The following DDX4 variants were observed in gnomAD, a reference collection of about 807,000 sequenced individuals.
DDX4 encodes DEAD-box helicase 4.
Under a neutral mutation model 100.0 loss-of-function variants are expected in DDX4, and 25 were observed. That is an observed-to-expected ratio of 0.25 (90% CI 0.18 to 0.35). The LOEUF is 0.35. Ranked by LOEUF, DDX4 falls within the 10% of genes least tolerant of loss-of-function variation. The pLI is 1.00. For missense variants in DDX4, 635 were observed against 882.4 expected (o/e 0.72, Z 3.55); for synonymous variants, 259 against 275.7 (o/e 0.94, Z 0.60).
chr5:55,786,442 C>T, intron 13 of DDX4, 76 bp from the exon 14 acceptor site: 1 of 1,190,554 alleles, frequency 8.4e-7, no homozygotes, highest in Non-Finnish European at 1.2e-6. Flanking sequence ...TGGAAAGTAG[C>T]TCGAATGAAA....
At chr5:55,750,790 T>G (rs946558081) in intron 3 of DDX4, among the ~76,000 whole-genome samples, 1 of 152,216 alleles carries the variant, frequency 6.6e-6, no homozygotes, top group African/African-American at 2.4e-5. Flanking sequence ...AGAATTTTTT[T>G]TTTACTTTTC....
intron 7 of DDX4, 123 bp from the exon 8 acceptor site, chr5:55,779,841 A>C (rs1417011699): frequency 1.5e-6 from 2 of 1,373,476 alleles, no homozygotes; most frequent in Non-Finnish European, 1.9e-6. Context: ...TTTTGACAAC[A>C]ATGCCTTTAA....
At chr5:55,777,027 G>A (rs911671738) in intron 7 of DDX4, among the ~76,000 whole-genome samples, 4 of 152,168 alleles carry the variant, frequency 2.6e-5, no homozygotes, top group Admixed American at 6.6e-5. Flanking sequence ...GGTAATCAGA[G>A]AAGGGATAAG....
chr5:55,805,194 A>C (rs553500789), intron 18 of DDX4, among the ~76,000 whole-genome samples: 2 of 152,188 alleles, frequency 1.3e-5, no homozygotes, highest in East Asian at 1.9e-4. Flanking sequence ...ACTTTGCTGA[A>C]GTTGCCTATC....
At chr5:55,768,363 A>G (rs928606821) in intron 7 of DDX4, among the ~76,000 whole-genome samples, 1 of 152,132 alleles carries the variant, frequency 6.6e-6, no homozygotes, top group African/African-American at 2.4e-5. Context: ...GCTCCCACTT[A>G]TAAGTGAGAA....
chr5:55,799,398 C>T (rs766653804), intron 18 of DDX4, among the ~76,000 whole-genome samples: 9 of 152,084 alleles, frequency 5.9e-5, no homozygotes, highest in South Asian at 2.1e-4. Context: ...TTTTTTGAGA[C>T]GGGGCCTTGC....
chr5:55,739,177 A>T (rs3761774), intron 2 of DDX4, 145 bp downstream of exon 2: 77,317 of 609,126 alleles, frequency 0.13, 5,180 homozygotes, highest in Middle Eastern at 0.14. Flanking sequence ...GGAATAAGAG[A>T]CAACCTAAGC....
At chr5:55,777,346 G>A (rs1304078771) in intron 7 of DDX4, 1 of 152,140 alleles carries the variant, frequency 6.6e-6, no homozygotes, top group Non-Finnish European at 1.5e-5. Flanking sequence ...GCTCATGCTT[G>A]TAATCCTAGC....
intron 7 of DDX4, among the ~76,000 whole-genome samples, chr5:55,775,998 GTAGTC>G (rs1741538224): frequency 6.6e-6 from 1 of 152,134 alleles, no homozygotes; most frequent in Admixed American, 6.6e-5. Flanking sequence ...GTGCAGCCCT[GTAGTC>G]CCAGCTACTT....
intron 3 of DDX4, among the ~76,000 whole-genome samples, chr5:55,752,344 C>G (rs1759618054): frequency 7.9e-6 from 1 of 126,478 alleles, no homozygotes; most frequent in African/African-American, 3.0e-5. Flanking sequence ...TCCCCCCACC[C>G]CACAACAGTC....
intron 18 of DDX4, among the ~76,000 whole-genome samples, chr5:55,812,389 G>A (rs903319323): frequency 8.6e-5 from 13 of 152,046 alleles, no homozygotes; most frequent in African/African-American, 1.9e-4. Flanking sequence ...GTGAAACCCC[G>A]TCTCTACTAA....
rs937560629 is a variant in DDX4, at chr5:55,779,884, CTTAAA to C, written c.395-72_395-68del. The C allele has an allele frequency of 3.6e-5, 55 of 1,524,722 alleles. No individual in the cohort carries two copies. In the African/African-American group the frequency reaches 6.3e-4, roughly 18 times the overall value. 94.4% of individuals were successfully genotyped at this position (1,524,722 alleles called of 1,614,324 possible). On this transcript the variant is annotated intron_variant, in intron 7 of 21. Coordinates refer to ENST00000505374, the MANE Select transcript of DDX4 (RefSeq NM_024415.3). Reference sequence around the variant, plus strand: ...TTTAAAGTTACTGAATTATTCAAGGCTTAAATTAAATTTGACCATGTCCCCAAGAT... The same window carrying C: ...TTTAAAGTTACTGAATTATTCAAGGCTTAAATTTGACCATGTCCCCAAGAT...
chr5:55,739,894 AC>A (rs1348832581), intron 2 of DDX4, among the ~76,000 whole-genome samples: 2 of 151,940 alleles, frequency 1.3e-5, no homozygotes, highest in Admixed American at 1.3e-4. Flanking sequence ...ATAACATGTT[AC>A]CTTTTTTTTT....
In DDX4 at chr5:55,787,927, G is replaced by C; in HGVS notation, c.1099G>C (p.Glu367Gln). 1 of 1,613,962 alleles carries C rather than the reference G, an allele frequency of 6.2e-7. No individual in the cohort carries two copies. The highest frequency in any genetic ancestry group is 1.1e-5 in the South Asian group (1 of 91,054). Residue 367 changes from glutamate (E) to glutamine (Q), a missense_variant, in exon 15 of 22, where the codon GAG becomes CAG. Around this residue, in one of 4 missense-constraint regions of DDX4, gnomAD observed 446 missense variants for 540.8 expected, o/e 0.82. Coordinates refer to ENST00000505374, the MANE Select transcript of DDX4 (RefSeq NM_024415.3). ...TCGTTTTAAAGAGTTGCAGGAACCA[G>C]AGTGTATTATTGTAGCACCAACTCG... ...ASRFKELQEPECIIVAPTREL... is the reference protein window; with the variant it reads ...ASRFKELQEPQCIIVAPTREL...
intron 3 of DDX4, among the ~76,000 whole-genome samples, chr5:55,747,988 T>C (rs1759333931): frequency 6.6e-6 from 1 of 152,172 alleles, no homozygotes; most frequent in Admixed American, 6.5e-5. Context: ...ACACCCATGG[T>C]GAGGTAGTTT....
intron 9 of DDX4, among the ~76,000 whole-genome samples, chr5:55,781,407 G>GA (rs1489924981): frequency 3.3e-5 from 5 of 152,168 alleles, no homozygotes; most frequent in Non-Finnish European, 7.3e-5. Context: ...TGAGTTAGGG[G>GA]AAAAGGATTT....
In DDX4 at chr5:55,781,913, T is replaced by C. The variant is rs369782767; in HGVS notation, c.578-21T>C. The stretch of plus-strand genomic sequence containing the variant: ...AGCAGCTGTGTTTTATCTAAATATG[T>C]TGTGAAACAATGCCTTACAGGTAAT... On this transcript the variant is annotated intron_variant, in intron 9 of 21. Transcript: ENST00000505374. The C allele has an allele frequency of 9.3e-6, 15 of 1,613,710 alleles. No individual in the cohort carries two copies. The East Asian group carries it at 2.7e-4, about 29-fold the overall frequency.
At chr5:55,744,268 A>C (rs1759134884) in intron 2 of DDX4, among the ~76,000 whole-genome samples, 1 of 152,200 alleles carries the variant, frequency 6.6e-6, no homozygotes, top group Non-Finnish European at 1.5e-5. Flanking sequence ...ACTTAGTTAA[A>C]TGAACTTATT....
At chr5:55,783,177 G>A (rs1580567583) in intron 10 of DDX4, among the ~76,000 whole-genome samples, 2 of 152,030 alleles carry the variant, frequency 1.3e-5, no homozygotes, top group African/African-American at 2.4e-5. Context: ...AAGCTTGCTC[G>A]ATGTATTTGG....
Sources: allele counts gnomAD v4.1 joint callset (sites outside exome capture counted in the v4.1 genomes callset), GRCh38; gene constraint gnomAD v4.1.1; regional missense constraint gnomAD v4.1.1; transcripts MANE v1.5; gene names NCBI Gene and HGNC (gene_info 2026-07-23, HGNC 2026-07-21).